Variants in QTMAN observed in about 807,000 individuals in gnomAD.
QTMAN encodes tRNA-queuosine alpha-mannosyltransferase.
the QTMAN span, among the ~76,000 whole-genome samples, chr2:144,173,604 C>T: frequency 6.6e-6 from 1 of 152,174 alleles, no homozygotes; most frequent in Non-Finnish European, 1.5e-5. Flanking sequence ...CTGACATAAT[C>T]ATGATGTTTC....
chr2:144,188,328 C>T, the QTMAN span, among the ~76,000 whole-genome samples: 3 of 151,726 alleles, frequency 2.0e-5, no homozygotes, highest in Non-Finnish European at 2.9e-5. Flanking sequence ...TGCCTTTGAA[C>T]GGGATAAAAC....
At chr2:144,108,278 T>G in the QTMAN span, among the ~76,000 whole-genome samples, 119 of 152,166 alleles carry the variant, frequency 7.8e-4, no homozygotes, top group African/African-American at 2.8e-3. Context: ...GAGAAAGAAA[T>G]AAAGGGTATT....
chr2:143,991,467 G>A, the QTMAN span, among the ~76,000 whole-genome samples: 40 of 145,360 alleles, frequency 2.8e-4, no homozygotes, highest in East Asian at 1.9e-3. Context: ...CAGCCGCCCC[G>A]TCCGGGAGGT....
the QTMAN span, among the ~76,000 whole-genome samples, chr2:144,195,268 A>C: frequency 2.0e-5 from 3 of 152,258 alleles, no homozygotes; most frequent in Admixed American, 6.5e-5. Context: ...AAGATGTCAC[A>C]GCAAAAAAGA....
chr2:144,178,476 C>T, the QTMAN span: 1 of 152,360 alleles, frequency 6.6e-6, no homozygotes, highest in Non-Finnish European at 1.5e-5. Flanking sequence ...CAGGTTGACA[C>T]TGTATCATGT....
At chr2:143,951,500 C>A in the QTMAN span, among the ~76,000 whole-genome samples, 3 of 151,302 alleles carry the variant, frequency 2.0e-5, no homozygotes, top group African/African-American at 4.8e-5. Context: ...TTAAACTGGA[C>A]GCGAGAAATA....
the QTMAN span, among the ~76,000 whole-genome samples, chr2:144,164,111 TG>T: frequency 6.6e-6 from 1 of 151,876 alleles, no homozygotes; most frequent in South Asian, 2.1e-4. Context: ...TTATTAGAGA[TG>T]GGGGTTTCAC....
chr2:144,282,334 T>C, the QTMAN span, among the ~76,000 whole-genome samples: 3 of 150,636 alleles, frequency 2.0e-5, no homozygotes, highest in African/African-American at 7.3e-5. Flanking sequence ...CTAAATAAGT[T>C]TAAAAATATA....
the QTMAN span, among the ~76,000 whole-genome samples, chr2:144,099,882 T>G: frequency 3.3e-5 from 5 of 152,214 alleles, no homozygotes; most frequent in Non-Finnish European, 5.9e-5. Flanking sequence ...AATGTTCTGC[T>G]CTCTTAAGAG....
chr2:144,174,607 C>T, the QTMAN span, among the ~76,000 whole-genome samples: 5 of 152,096 alleles, frequency 3.3e-5, no homozygotes, highest in South Asian at 2.1e-4. Context: ...ATAATCCCCA[C>T]GTGTTGTGGG....
the QTMAN span, among the ~76,000 whole-genome samples, chr2:143,965,691 C>T: frequency 6.6e-6 from 1 of 152,180 alleles, no homozygotes; most frequent in South Asian, 2.1e-4. Flanking sequence ...ACGCCAGGAG[C>T]ACCACCCCAT....
the QTMAN span, among the ~76,000 whole-genome samples, chr2:144,061,937 A>G: frequency 6.6e-6 from 1 of 152,034 alleles, no homozygotes; most frequent in African/African-American, 2.4e-5. Flanking sequence ...ACTCCAGGGG[A>G]AGATTATCTT....
chr2:143,944,489 C>G, the QTMAN span: 1 of 152,174 alleles, frequency 6.6e-6, no homozygotes, highest in Admixed American at 6.5e-5. Flanking sequence ...GTCGCCCAGG[C>G]TGGAGTGCAG....
chr2:143,989,173 T>A, the QTMAN span, among the ~76,000 whole-genome samples: 1 of 151,950 alleles, frequency 6.6e-6, no homozygotes, highest in South Asian at 2.1e-4. Flanking sequence ...TCCTTACATA[T>A]CTAAATCCAC....
chr2:144,041,854 A>ATGAG, the QTMAN span, among the ~76,000 whole-genome samples: 2 of 152,206 alleles, frequency 1.3e-5, no homozygotes, highest in Non-Finnish European at 2.9e-5. Flanking sequence ...TTTCAGGCAG[A>ATGAG]TGAGTGAATA....
chr2:144,125,197 C>A, the QTMAN span, among the ~76,000 whole-genome samples: 1 of 151,966 alleles, frequency 6.6e-6, no homozygotes, highest in Non-Finnish European at 1.5e-5. Context: ...GCCTATCATC[C>A]CCGAGTTAGT....
chr2:144,096,093 G>C, the QTMAN span, among the ~76,000 whole-genome samples: 1 of 152,124 alleles, frequency 6.6e-6, no homozygotes, highest in Non-Finnish European at 1.5e-5. Flanking sequence ...CATTATTATA[G>C]ATGTTTGTAA....
At chr2:144,125,396 C>G in the QTMAN span, among the ~76,000 whole-genome samples, 1 of 151,996 alleles carries the variant, frequency 6.6e-6, no homozygotes, top group Non-Finnish European at 1.5e-5. Context: ...AGCCTTATGT[C>G]CTGGATAAAT....
the QTMAN span, among the ~76,000 whole-genome samples, chr2:144,033,237 C>T: frequency 6.6e-6 from 1 of 152,202 alleles, no homozygotes; most frequent in East Asian, 1.9e-4. Context: ...TTAAGTACTA[C>T]AAGAGTGTCC....
Sources: gnomAD v4.1 joint callset for allele counts (sites outside exome capture counted in the v4.1 genomes callset) on GRCh38, gnomAD v4.1.1 for gene constraint, MANE v1.5 for transcripts, NCBI Gene and HGNC (gene_info 2026-07-23, HGNC 2026-07-21) for gene names.